Variants in HS6ST2 observed in about 807,000 individuals in gnomAD.
HS6ST2 encodes heparan-sulfate 6-O-sulfotransferase 2.
HS6ST2 carries 17 observed loss-of-function variants against 33.0 expected under a neutral mutation model. The ratio of observed to expected loss-of-function variants is 0.52; its 90% CI spans 0.35 to 0.77. The LOEUF (loss-of-function observed/expected upper bound fraction) is 0.77. HS6ST2 is among the 30% of genes least tolerant of loss of function. The pLI, the probability that HS6ST2 is intolerant of heterozygous loss-of-function variation, is 0.01. For synonymous variants in HS6ST2, 248 were observed against 237.1 expected, an observed-to-expected ratio of 1.05 and a Z score of -0.42; for missense variants, 519 against 551.7, an observed-to-expected ratio of 0.94 and a Z score of 0.59.
At chrX:132,902,633 A>G (rs775115059) in intron 2 of HS6ST2, among the ~76,000 whole-genome samples, 50 of 111,989 alleles carry the variant, frequency 4.5e-4, no homozygotes, top group African/African-American at 1.5e-3. Context: ...GAAAAACAAG[A>G]AGGCCCTCCT....
chrX:132,937,569 C>T (rs1292333317), intron 2 of HS6ST2, among the ~76,000 whole-genome samples: 4 of 111,484 alleles, frequency 3.6e-5, no homozygotes, highest in Non-Finnish European at 7.5e-5. Context: ...TGATTTTCAA[C>T]AAAGGCACTA....
chrX:132,795,241 T>C (rs1411954238), intron 2 of HS6ST2, among the ~76,000 whole-genome samples: 1 of 112,118 alleles, frequency 8.9e-6, no homozygotes, highest in Non-Finnish European at 1.9e-5. Context: ...TGATATTTCA[T>C]ATAAATGGAA....
intron 2 of HS6ST2, among the ~76,000 whole-genome samples, chrX:132,929,278 A>G (rs1435800792): frequency 9.0e-6 from 1 of 110,990 alleles, no homozygotes; most frequent in African/African-American, 3.3e-5. Context: ...TGGACAAGAC[A>G]GAGTATACAC....
intron 2 of HS6ST2, among the ~76,000 whole-genome samples, chrX:132,870,464 A>T (rs1054218076): frequency 9.0e-6 from 1 of 111,671 alleles, no homozygotes. Context: ...AGCCAAGACA[A>T]TCCTAAGCAA....
intron 2 of HS6ST2, among the ~76,000 whole-genome samples, chrX:132,779,102 A>T (rs2064994504): frequency 8.9e-6 from 1 of 112,041 alleles, no homozygotes; most frequent in Non-Finnish European, 1.9e-5. Context: ...GGAGGACTGG[A>T]TCAAGTCACA....
intron 2 of HS6ST2, among the ~76,000 whole-genome samples, chrX:132,924,565 G>A (rs1206827132): frequency 8.9e-6 from 1 of 111,927 alleles, no homozygotes; most frequent in Admixed American, 9.5e-5. Flanking sequence ...ATGAATGACT[G>A]ATGGCTGGGG....
chrX:132,670,737 C>T (rs747736924), intron 3 of HS6ST2, among the ~76,000 whole-genome samples: 2 of 112,138 alleles, frequency 1.8e-5, no homozygotes, highest in South Asian at 3.8e-4. Context: ...AGCTTGAACC[C>T]GGGAGGTGGA....
At chrX:132,702,800 A>AACACAC (rs372993140) in intron 3 of HS6ST2, among the ~76,000 whole-genome samples, 24 of 108,432 alleles carry the variant, frequency 2.2e-4, no homozygotes, top group African/African-American at 7.8e-4. Context: ...ATTTCCCTCC[A>AACACAC]ACACACACAC....
At chrX:132,730,441 C>T (rs1223052427) in intron 2 of HS6ST2, among the ~76,000 whole-genome samples, 1 of 112,473 alleles carries the variant, frequency 8.9e-6, no homozygotes, top group African/African-American at 3.2e-5. Flanking sequence ...CAAGCCGGCT[C>T]TGGCCTTCTC....
At chrX:132,952,854 G>A (rs1411223814) in intron 2 of HS6ST2, among the ~76,000 whole-genome samples, 5 of 111,259 alleles carry the variant, frequency 4.5e-5, no homozygotes, top group African/African-American at 1.6e-4. Flanking sequence ...AAACACCTCA[G>A]GGATGTAGAA....
chrX:132,927,163 T>C (rs759116703), intron 2 of HS6ST2, among the ~76,000 whole-genome samples: 38 of 110,648 alleles, frequency 3.4e-4, no homozygotes, highest in Non-Finnish European at 6.4e-4. Context: ...ATCCCTACCA[T>C]CTATATCTTT....
intron 4 of HS6ST2, among the ~76,000 whole-genome samples, chrX:132,640,122 G>A (rs2063591264): frequency 9.1e-6 from 1 of 110,323 alleles, no homozygotes; most frequent in African/African-American, 3.3e-5. Flanking sequence ...CCTAGAAGTC[G>A]CCATAATTAG....
chrX:132,635,804 C>T (rs981993503), intron 4 of HS6ST2, among the ~76,000 whole-genome samples: 1 of 110,782 alleles, frequency 9.0e-6, no homozygotes, highest in Non-Finnish European at 1.9e-5. Context: ...TTGCTCTATA[C>T]CCTATATGCT....
chrX:132,959,133 A>G (rs1032250620), upstream of HS6ST2, among the ~76,000 whole-genome samples: 3 of 111,619 alleles, frequency 2.7e-5, no homozygotes, highest in African/African-American at 6.5e-5. Flanking sequence ...GATGTGCCCA[A>G]GGTCACACAG....
intron 4 of HS6ST2, 122 bp downstream of exon 4, chrX:132,668,991 G>T: frequency 2.1e-6 from 1 of 467,134 alleles, no homozygotes; most frequent in Admixed American, 3.5e-5. Flanking sequence ...GAGCCCAGTG[G>T]GAGGCACACA....
intron 4 of HS6ST2, among the ~76,000 whole-genome samples, chrX:132,651,061 C>G (rs1366313502): frequency 8.9e-6 from 1 of 111,812 alleles, no homozygotes; most frequent in African/African-American, 3.3e-5. Flanking sequence ...GCCACCATGC[C>G]CAGCTGGGAT....
intron 2 of HS6ST2, among the ~76,000 whole-genome samples, chrX:132,842,444 G>T (rs754725614): frequency 8.9e-6 from 1 of 112,029 alleles, no homozygotes; most frequent in African/African-American, 3.2e-5. Context: ...TAATGCAAGC[G>T]CATTGTGCTG....
intron 3 of HS6ST2, among the ~76,000 whole-genome samples, chrX:132,692,246 A>G (rs2064070911): frequency 9.0e-6 from 1 of 111,206 alleles, no homozygotes; most frequent in South Asian, 3.9e-4. Flanking sequence ...GATCAGGACA[A>G]GTGATGCAAC....
At chrX:132,780,131 G>A (rs1370152974) in intron 2 of HS6ST2, among the ~76,000 whole-genome samples, 1 of 111,077 alleles carries the variant, frequency 9.0e-6, no homozygotes, top group Non-Finnish European at 1.9e-5. Flanking sequence ...ATTTGCACAG[G>A]AGCCAAGCTT....
Sources: allele counts gnomAD v4.1 joint callset (sites outside exome capture counted in the v4.1 genomes callset), GRCh38; gene constraint gnomAD v4.1.1; transcripts MANE v1.5; gene names NCBI Gene and HGNC (gene_info 2026-07-23, HGNC 2026-07-21).